ZNRF1: variants seen among roughly 807,000 people sequenced by gnomAD.
The protein encoded by ZNRF1 is zinc and ring finger 1, also known as E3 ubiquitin-protein ligase ZNRF1.
A neutral mutation model predicts 18.4 loss-of-function variants in ZNRF1; 3 were observed. The ratio of observed to expected loss-of-function variants is 0.16; its 90% CI spans 0.07 to 0.42. ZNRF1 has a LOEUF of 0.42. Among genes scored for constraint, ZNRF1 ranks in the 10% least tolerant of loss-of-function variants. The pLI, the probability that ZNRF1 is intolerant of heterozygous loss-of-function variation, is 0.99. For missense variants in ZNRF1, 310 were observed against 329.8 expected (o/e 0.94, Z 0.47); for synonymous variants, 157 against 144.2 (o/e 1.09, Z -0.64).
intron 2 of ZNRF1, among the ~76,000 whole-genome samples, chr16:75,103,141 G>C (rs2036272314): frequency 6.6e-6 from 1 of 152,166 alleles, no homozygotes; most frequent in African/African-American, 2.4e-5. Context: ...TAGTCTGTGA[G>C]CTGCTTGAAT....
At chr16:75,067,590 G>T (rs567836923) in intron 1 of ZNRF1, among the ~76,000 whole-genome samples, 1 of 152,302 alleles carries the variant, frequency 6.6e-6, no homozygotes, top group African/African-American at 2.4e-5. Context: ...AAAAGCAAAT[G>T]ATGTCTGCGC....
At chr16:75,015,682 C>T (rs773267995) in intron 1 of ZNRF1, among the ~76,000 whole-genome samples, 19 of 152,168 alleles carry the variant, frequency 1.2e-4, no homozygotes, top group Non-Finnish European at 2.4e-4. Context: ...CTCCTGGAGT[C>T]AGATAGTCCT....
intron 1 of ZNRF1, among the ~76,000 whole-genome samples, chr16:75,004,116 G>A (rs1227247426): frequency 6.6e-6 from 1 of 151,996 alleles, no homozygotes; most frequent in Non-Finnish European, 1.5e-5. Context: ...ATGAGCCACC[G>A]TGCCAGGCCT....
intron 1 of ZNRF1, among the ~76,000 whole-genome samples, chr16:75,071,935 C>T (rs948060256): frequency 5.3e-5 from 8 of 151,938 alleles, no homozygotes; most frequent in Non-Finnish European, 7.4e-5. Flanking sequence ...GCCTGGCTAG[C>T]TTTTGCTTAT....
chr16:75,006,697 G>T (rs185536648), intron 1 of ZNRF1, among the ~76,000 whole-genome samples: 238 of 152,226 alleles, frequency 1.6e-3, no homozygotes, highest in Admixed American at 2.9e-3. Flanking sequence ...TGGCCTCCCA[G>T]AGTGCTGGCA....
At chr16:75,020,778 A>G (rs1012940868) in intron 1 of ZNRF1, among the ~76,000 whole-genome samples, 13 of 152,002 alleles carry the variant, frequency 8.6e-5, no homozygotes, top group African/African-American at 2.9e-4. Context: ...TCCTGACCTC[A>G]TGATCCGCTG....
At chr16:75,047,217 G>A (rs1329343066) in intron 1 of ZNRF1, among the ~76,000 whole-genome samples, 2 of 152,152 alleles carry the variant, frequency 1.3e-5, no homozygotes, top group Non-Finnish European at 2.9e-5. Context: ...CTGTTACTCA[G>A]GCTGGTGTGC....
chr16:75,025,312 C>CTG (rs1178340097), intron 1 of ZNRF1, among the ~76,000 whole-genome samples: 1 of 152,108 alleles, frequency 6.6e-6, no homozygotes, highest in African/African-American at 2.4e-5. Flanking sequence ...TTGTGATCCG[C>CTG]CCATCTCGGC....
chr16:75,071,561 C>A (rs2035871054), intron 1 of ZNRF1, among the ~76,000 whole-genome samples: 2 of 152,226 alleles, frequency 1.3e-5, no homozygotes, highest in African/African-American at 2.4e-5. Flanking sequence ...GTGGCTGCAT[C>A]TTTTGTGTGA....
At chr16:75,024,792 G>A (rs546547700) in intron 1 of ZNRF1, among the ~76,000 whole-genome samples, 1 of 152,290 alleles carries the variant, frequency 6.6e-6, no homozygotes, top group South Asian at 2.1e-4. Flanking sequence ...AATCTTTTAA[G>A]AAACAAAAGT....
intron 1 of ZNRF1, among the ~76,000 whole-genome samples, chr16:75,082,279 G>A (rs964983709): frequency 6.6e-6 from 1 of 152,084 alleles, no homozygotes; most frequent in East Asian, 2.0e-4. Flanking sequence ...AGCCCTTTGA[G>A]GGCCTCTCTT....
At chr16:75,023,998 G>C (rs1483391984) in intron 1 of ZNRF1, among the ~76,000 whole-genome samples, 2 of 151,526 alleles carry the variant, frequency 1.3e-5, no homozygotes, top group Non-Finnish European at 2.9e-5. Context: ...AGCCTCCCCA[G>C]TAGCTAGGAC....
Position 75,016,699 on chromosome 16 carries a change from C to CTTTT in ZNRF1, c.424+16621_424+16624dup, listed in dbSNP as rs35899706. Among the ~76,000 whole-genome samples, 62 of 99,488 alleles carry CTTTT rather than the reference C, an allele frequency of 6.2e-4. 2 individuals are homozygous for CTTTT. Among genetic ancestry groups the CTTTT allele is most frequent in the African/African-American group, 1.7e-3 (39 of 23,420 alleles). The allele number at this position is 99,488 out of a possible 152,430, so 65.3% of individuals were successfully genotyped here. ...TACAGGCGTCTGTCACCATGCCTGGCTTTTTTTTTTTTTTTTTTTTGTATG... is the reference window on the plus strand; with the variant it reads ...TACAGGCGTCTGTCACCATGCCTGGCTTTTTTTTTTTTTTTTTTTTTTTTGTATG... On this transcript the variant is annotated intron_variant, in intron 1 of 4. Coordinates refer to ENST00000335325, the MANE Select transcript of ZNRF1 (RefSeq NM_032268.5).
In ZNRF1 at chr16:75,073,146, C is replaced by G. The variant is rs9935681; in HGVS notation, c.425-20426C>G. Reference sequence around the variant, plus strand: ...TCTCTCTCTCTCTCTCTCTCTCTCTCTCTCTCTGTCTCTCTGTCTATATAT... The same window carrying G: ...TCTCTCTCTCTCTCTCTCTCTCTCTGTCTCTCTGTCTCTCTGTCTATATAT... On this transcript the variant is annotated intron_variant, in intron 1 of 4. Transcript: ENST00000335325. Among the ~76,000 whole-genome samples the G allele has an allele frequency of 4.3e-3, 549 of 128,718 alleles. 2 individuals are homozygous for G. Among genetic ancestry groups the G allele is most frequent in the African/African-American group, 7.5e-3 (254 of 33,974 alleles). 84.4% of individuals were successfully genotyped at this position (128,718 alleles called of 152,430 possible). A position where few individuals can be genotyped will look rare whatever the true frequency, so the allele number is the denominator to read the frequency against.
At chr16:75,100,637 G>A (rs986715476) in intron 2 of ZNRF1, among the ~76,000 whole-genome samples, 2 of 152,212 alleles carry the variant, frequency 1.3e-5, no homozygotes, top group Non-Finnish European at 2.9e-5. Flanking sequence ...GCTCACAGTT[G>A]AGTTACCAAT....
At chr16:75,042,197 T>G (rs1009034158) in intron 1 of ZNRF1, among the ~76,000 whole-genome samples, 1 of 152,214 alleles carries the variant, frequency 6.6e-6, no homozygotes, top group South Asian at 2.1e-4. Context: ...TGGCCTGTGC[T>G]TTTATTTGCT....
chr16:75,044,875 C>G (rs1311592316), intron 1 of ZNRF1, among the ~76,000 whole-genome samples: 1 of 152,072 alleles, frequency 6.6e-6, no homozygotes, highest in Non-Finnish European at 1.5e-5. Flanking sequence ...AATATAATTC[C>G]CTAAGGAGAG....
intron 2 of ZNRF1, among the ~76,000 whole-genome samples, chr16:75,096,162 G>A (rs941881353): frequency 2.0e-5 from 3 of 151,060 alleles, no homozygotes; most frequent in South Asian, 2.1e-4. Context: ...ACCACTGGAG[G>A]CAAAGAGAGG....
chr16:75,095,506 C>T, intron 2 of ZNRF1: 1 of 1,330,832 alleles, frequency 7.5e-7, no homozygotes, highest in Non-Finnish European at 9.9e-7. Context: ...ACCCTATTCA[C>T]TTCTTTCCCA....
Sources: gnomAD v4.1 joint callset for allele counts (sites outside exome capture counted in the v4.1 genomes callset) on GRCh38, gnomAD v4.1.1 for gene constraint, MANE v1.5 for transcripts, NCBI Gene and HGNC (gene_info 2026-07-23, HGNC 2026-07-21) for gene names.